Variants in CDH22 observed in about 807,000 individuals in gnomAD.
The protein encoded by CDH22 is cadherin 22, also known as cadherin-22.
CDH22 carries 30 observed loss-of-function variants against 58.4 expected under a neutral mutation model. The observed-to-expected ratio is 0.51, with a 90% CI of 0.38 to 0.70. The LOEUF (loss-of-function observed/expected upper bound fraction) is 0.70. Among genes scored for constraint, CDH22 ranks in the 30% least tolerant of loss-of-function variants. The pLI is 0.00. For synonymous variants in CDH22, 513 were observed against 558.2 expected (o/e 0.92, Z 1.14); for missense variants, 1,014 against 1,233.9 (o/e 0.82, Z 2.67).
chr20:46,174,968 G>C lies in CDH22; in HGVS notation c.2025C>G (p.Gly675=). ...DNVIKYNDEG[G]GEQDTEAYDM... is the part of the protein sequence containing the mutation. ...CGTAGGCTTCGGTGTCCTGCTCGCC[G>C]CCGCCTTCGTCGTTGTATTTGATGA... The change falls in exon 12 of 12, where the codon GGC becomes GGG. Residue 675 remains glycine (G), a synonymous_variant. Transcript: ENST00000537909. The surrounding 1 kb of genome is among the most constrained non-coding windows in gnomAD (Gnocchi z 4.4). 1 of 1,598,270 alleles carries C rather than the reference G, an allele frequency of 6.3e-7. No individual in the cohort carries two copies. The highest frequency in any genetic ancestry group is 8.5e-7 in the Non-Finnish European group (1 of 1,175,886).
intron 1 of CDH22, among the ~76,000 whole-genome samples, chr20:46,303,216 A>C (rs1325157828): frequency 2.0e-5 from 3 of 152,148 alleles, no homozygotes; most frequent in African/African-American, 7.2e-5. Context: ...GCCAACTGAA[A>C]TCTCAGTTCC....
At chr20:46,244,486 C>T (rs1164751525) in intron 2 of CDH22, among the ~76,000 whole-genome samples, 2 of 152,224 alleles carry the variant, frequency 1.3e-5, no homozygotes, top group Non-Finnish European at 2.9e-5. Flanking sequence ...CGAGTGGAGG[C>T]TGGAAGATGG....
At chr20:46,235,536 C>G (rs898326446) in intron 3 of CDH22, among the ~76,000 whole-genome samples, 5 of 152,232 alleles carry the variant, frequency 3.3e-5, no homozygotes, top group African/African-American at 1.2e-4. Context: ...TCAATCTTAA[C>G]TTGCCCAAGA....
intron 1 of CDH22, among the ~76,000 whole-genome samples, chr20:46,299,174 C>T (rs1442022380): frequency 6.6e-6 from 1 of 152,226 alleles, no homozygotes; most frequent in Non-Finnish European, 1.5e-5. Flanking sequence ...TTCCTCCCCT[C>T]CATGTCCTCT....
intron 8 of CDH22, among the ~76,000 whole-genome samples, chr20:46,187,414 T>TACCATCACCACTGCCATCACC (rs1411891839): frequency 6.6e-6 from 1 of 151,642 alleles, no homozygotes; most frequent in Non-Finnish European, 1.5e-5. Context: ...CTTATACTGT[T>TACCATCACCACTGCCATCACC]ACCATCACCA....
chr20:46,198,376 G>A (rs1243215821), intron 8 of CDH22, among the ~76,000 whole-genome samples: 1 of 148,896 alleles, frequency 6.7e-6, no homozygotes, highest in East Asian at 2.0e-4. Flanking sequence ...AGTCATCCTT[G>A]ACCCTTCTCC....
intron 1 of CDH22, among the ~76,000 whole-genome samples, chr20:46,256,240 C>A (rs983677394): frequency 3.3e-5 from 5 of 152,144 alleles, no homozygotes; most frequent in African/African-American, 1.2e-4. Context: ...AAACAAATAA[C>A]GTGTCAGACA....
chr20:46,210,323 C>G lies in CDH22; in HGVS notation c.1270G>C (p.Ala424Pro). 1 of 1,449,492 alleles carries G rather than the reference C, an allele frequency of 6.9e-7. No homozygotes were observed. The highest frequency in any genetic ancestry group is 9.0e-7 in the Non-Finnish European group (1 of 1,106,104). 89.8% of individuals were successfully genotyped at this position (1,449,492 alleles called of 1,614,324 possible). Reference protein sequence around the residue: ...GVVTARDPDAANRPVRYAIDR... With the variant: ...GVVTARDPDAPNRPVRYAIDR... Reference sequence around the variant, plus strand: ...GGGTCTCACCGGACGGGCCGGTTGGCGGCGTCGGGGTCCCGCGCCGTCACC... The same window carrying G: ...GGGTCTCACCGGACGGGCCGGTTGGGGGCGTCGGGGTCCCGCGCCGTCACC... Residue 424 changes from alanine (A) to proline (P), a missense_variant, in exon 7 of 12, where the codon GCC becomes CCC. By Grantham distance (27) the Ala-to-Pro change is conservative (BLOSUM62 -1). Around this residue, in one of 2 missense-constraint regions of CDH22, gnomAD observed 806 missense variants for 1,038.7 expected, o/e 0.78. Coordinates refer to ENST00000537909, the MANE Select transcript of CDH22 (RefSeq NM_021248.3). The surrounding 1 kb of genome is among the most constrained non-coding windows in gnomAD (Gnocchi z 4.5).
intron 3 of CDH22, among the ~76,000 whole-genome samples, chr20:46,228,214 A>T (rs2086193984): frequency 6.6e-6 from 1 of 150,934 alleles, no homozygotes; most frequent in Non-Finnish European, 1.5e-5. Flanking sequence ...ATCGGGGGTC[A>T]GAGGCCAGTG....
intron 8 of CDH22, among the ~76,000 whole-genome samples, chr20:46,197,314 A>ATATATG (rs1385807725): frequency 8.8e-4 from 131 of 149,116 alleles, no homozygotes; most frequent in African/African-American, 2.9e-3. Context: ...ATATATATAT[A>ATATATG]TATACATATG....
Position 46,251,686 on chromosome 20 carries a change from T to C in CDH22, c.-392A>G, listed in dbSNP as rs190511959. 3.1e-4 allele frequency: 51 copies of C among 164,898 alleles called. No individual in the cohort carries two copies. Among genetic ancestry groups the C allele is most frequent in the Non-Finnish European group, 5.3e-4 (41 of 76,768 alleles). 10.2% of individuals were successfully genotyped at this position (164,898 alleles called of 1,614,324 possible). ...CAGGACTAGGGGCCTTCCCTTTCCA[T>C]CAGGAGCCTGCAAGAGAAACAAGAA... On this transcript the variant is annotated 5_prime_UTR_variant, in exon 2 of 12. The change abolishes an upstream ATG in the 5' untranslated region. Transcript: ENST00000537909. This position sits in a 1 kb window ranked among gnomAD's most constrained non-coding sequence, Gnocchi z 6.7.
chr20:46,223,387 G>T (rs2086140222), intron 4 of CDH22, among the ~76,000 whole-genome samples: 1 of 152,046 alleles, frequency 6.6e-6, no homozygotes, highest in Non-Finnish European at 1.5e-5. Context: ...ATCTCCCCAA[G>T]GCTTATCAAC....
chr20:46,264,769 C>G (rs2086450019), intron 1 of CDH22, among the ~76,000 whole-genome samples: 1 of 152,120 alleles, frequency 6.6e-6, no homozygotes, highest in African/African-American at 2.4e-5. Context: ...CTGAGTCCCT[C>G]CTTAAGGCCT....
intron 3 of CDH22, among the ~76,000 whole-genome samples, chr20:46,239,007 C>T (rs1355281395): frequency 6.6e-6 from 1 of 152,264 alleles, no homozygotes; most frequent in Admixed American, 6.5e-5. Flanking sequence ...AACTGCAGGG[C>T]CTTTGCATGT....
intron 10 of CDH22, among the ~76,000 whole-genome samples, chr20:46,179,411 G>A (rs1447214024): frequency 1.3e-5 from 2 of 152,178 alleles, no homozygotes; most frequent in African/African-American, 4.8e-5. Flanking sequence ...CCCCAATTCA[G>A]TGTCCCAGAT....
chr20:46,267,360 G>A (rs1023847303), intron 1 of CDH22, among the ~76,000 whole-genome samples: 1 of 152,238 alleles, frequency 6.6e-6, no homozygotes, highest in Non-Finnish European at 1.5e-5. Context: ...AACAAGGTAT[G>A]TGTGAAGGGC....
chr20:46,241,154 T>C lies in CDH22; in HGVS notation c.359A>G (p.His120Arg), dbSNP rs1251966204. 5 of 1,614,056 alleles carry C rather than the reference T, an allele frequency of 3.1e-6. No individual in the cohort carries two copies. The highest frequency in any genetic ancestry group is 4.2e-6 in the Non-Finnish European group (5 of 1,180,032). Residue 120 changes from histidine to arginine, a missense_variant, in exon 3 of 12, where the codon CAT becomes CGT. Physicochemically the swap from His to Arg is conservative, Grantham distance 29. Coordinates refer to ENST00000537909, the MANE Select transcript of CDH22 (RefSeq NM_021248.3). This position sits in a 1 kb window ranked among gnomAD's most constrained non-coding sequence, Gnocchi z 5.2. ...FLIDELTGDIHAMERLDREQK... is the reference protein window; with the variant it reads ...FLIDELTGDIRAMERLDREQK... ...CTCGCGGTCCAGGCGCTCCATGGCA[T>C]GAATGTCGCCTGTCAGCTCGTCGAT...
Position 46,175,094 on chromosome 20 carries a change from G to C in CDH22, c.1916-17C>G. 6.4e-7 allele frequency: 1 copy of C among 1,568,136 alleles called. No homozygotes were observed. Among genetic ancestry groups the C allele is most frequent in the Non-Finnish European group, 8.6e-7 (1 of 1,161,456 alleles). On this transcript the variant is annotated splice_polypyrimidine_tract_variant and intron_variant, in intron 11 of 11. Transcript: ENST00000537909. Reference sequence around the variant, plus strand: ...GCACCAGCACTGCGAGGGGGACAGAGGGGGCAACTGAGGGCCAAGCCCCTC... The same window carrying C: ...GCACCAGCACTGCGAGGGGGACAGACGGGGCAACTGAGGGCCAAGCCCCTC...
At chr20:46,221,610 A>G (rs530983075) in intron 4 of CDH22, among the ~76,000 whole-genome samples, 7 of 152,292 alleles carry the variant, frequency 4.6e-5, no homozygotes, top group African/African-American at 1.7e-4. Context: ...GCCACATTCT[A>G]TTGGCCAAAG....
Sources: allele counts gnomAD v4.1 joint callset (sites outside exome capture counted in the v4.1 genomes callset), GRCh38; gene constraint gnomAD v4.1.1; regional missense constraint gnomAD v4.1.1; non-coding constraint Gnocchi (gnomAD v3.1); transcripts MANE v1.5; gene names NCBI Gene and HGNC (gene_info 2026-07-23, HGNC 2026-07-21).